KCNA2: variants seen among roughly 807,000 people sequenced by gnomAD.
The protein encoded by KCNA2 is potassium voltage-gated channel subfamily A member 2, also known as potassium channel, voltage gated shaker related subfamily A, member 2.
Under a neutral mutation model 33.4 loss-of-function variants are expected in KCNA2, and 11 were observed. The observed-to-expected ratio is 0.33, with a 90% CI of 0.21 to 0.55. KCNA2 has a LOEUF of 0.55. KCNA2 is among the 20% of genes least tolerant of loss of function. The pLI is 0.93. For synonymous variants in KCNA2, 222 were observed against 231.3 expected, an observed-to-expected ratio of 0.96 and a Z score of 0.37; for missense variants, 291 against 621.6, an observed-to-expected ratio of 0.47 and a Z score of 5.66.
intron 1 of KCNA2, among the ~76,000 whole-genome samples, chr1:110,627,741 C>T (rs1296725022): frequency 6.6e-6 from 1 of 151,746 alleles, no homozygotes; most frequent in Admixed American, 6.6e-5. Context: ...AATGTTAATA[C>T]AACCCTTGAG....
At chr1:110,622,790 C>T (rs1349632272) in intron 1 of KCNA2, among the ~76,000 whole-genome samples, 1 of 152,028 alleles carries the variant, frequency 6.6e-6, no homozygotes, top group Non-Finnish European at 1.5e-5. Flanking sequence ...TGTGAAAGAC[C>T]TATACACTGA....
rs1433798413 is a variant in KCNA2 at position 110,595,833 on chromosome 1, T to C, written c.*7450A>G. ...GGCAGAGATGTGCTTTAGTTCTTCATTGGAATGTTACTTTCAGATCTCACA... is the reference window on the plus strand; with the variant it reads ...GGCAGAGATGTGCTTTAGTTCTTCACTGGAATGTTACTTTCAGATCTCACA... On this transcript the variant is annotated 3_prime_UTR_variant, in exon 3 of 3. Transcript: ENST00000316361. The C allele has an allele frequency of 2.0e-6, 2 of 985,334 alleles. No homozygotes were observed. Among genetic ancestry groups the C allele is most frequent in the East Asian group, 1.1e-4 (1 of 8,836 alleles). 61.0% of individuals were successfully genotyped at this position (985,334 alleles called of 1,614,324 possible).
chr1:110,609,133 A>G (rs1649781630), upstream of KCNA2, among the ~76,000 whole-genome samples: 1 of 152,100 alleles, frequency 6.6e-6, no homozygotes, highest in African/African-American at 2.4e-5. Flanking sequence ...TCCCCTGACC[A>G]GCACCAAGGG....
At position 110,594,247 on chromosome 1, in the gene KCNA2, G is replaced by A. The variant is rs1261551124; in HGVS notation, c.*9036C>T. The A allele has an allele frequency of 1.9e-6, 2 of 1,039,896 alleles. No individual in the cohort carries two copies. The highest frequency in any genetic ancestry group is 2.3e-6 in the Non-Finnish European group (2 of 866,410). 64.4% of individuals were successfully genotyped at this position (1,039,896 alleles called of 1,614,324 possible). A position where few individuals can be genotyped will look rare whatever the true frequency, so the allele number is the denominator to read the frequency against. ...GCAAACCCTAACTGGAGTCTGTGCT[G>A]CATGAGCCTAAGTGAGTGGCGGCCA... On this transcript the variant is annotated 3_prime_UTR_variant, in exon 3 of 3. Transcript: ENST00000316361.
At chr1:110,625,661 A>C (rs188434434) in intron 1 of KCNA2, among the ~76,000 whole-genome samples, 2 of 152,352 alleles carry the variant, frequency 1.3e-5, no homozygotes, top group Admixed American at 1.3e-4. Context: ...TTCAAAGAAA[A>C]ATGATAAAGT....
rs937661657 is a variant in KCNA2, at chr1:110,596,052, C to T, written c.*7231G>A. The T allele has an allele frequency of 1.0e-6, 1 of 985,296 alleles. No homozygotes were observed. The highest frequency in any genetic ancestry group is 1.1e-4 in the East Asian group (1 of 8,834). 61.0% of individuals were successfully genotyped at this position (985,296 alleles called of 1,614,324 possible). The stretch of plus-strand genomic sequence containing the variant: ...CACCTGGCTGTTAGATCAGACTTCC[C>T]TTTTATCCCTGAGTCAGGCAGCCAC... On this transcript the variant is annotated 3_prime_UTR_variant, in exon 3 of 3. Coordinates refer to ENST00000316361, the MANE Select transcript of KCNA2 (RefSeq NM_004974.4).
chr1:110,596,978 G>A lies in KCNA2; in HGVS notation c.*6305C>T, dbSNP rs1364239482. On this transcript the variant is annotated 3_prime_UTR_variant, in exon 3 of 3. Transcript: ENST00000316361. ...CCCCTGGCTATGTGTGCAAATATTT[G>A]TGCAGCTGCACACTCTAGCGGGTGG... 1.0e-6 allele frequency: 1 copy of A among 985,288 alleles called. No homozygotes were observed. The highest frequency in any genetic ancestry group is 1.1e-4 in the East Asian group (1 of 8,822). The allele number at this position is 985,288 out of a possible 1,614,324, so 61.0% of individuals were successfully genotyped here.
At position 110,601,336 on chromosome 1, in the gene KCNA2, C is replaced by A. The variant is rs540774562; in HGVS notation, c.*1947G>T. 1.1e-4 allele frequency: 110 copies of A among 985,392 alleles called. 1 individual carries two copies. In the African/African-American group the frequency reaches 1.8e-3, roughly 16 times the overall value. The allele number at this position is 985,392 out of a possible 1,614,324, so 61.0% of individuals were successfully genotyped here. Reference sequence around the variant, plus strand: ...GAATTTGGTCCCAGGGAGTCCTACTCCTTGGTGTCCTTGGTTTCAAAGCAG... The same window carrying A: ...GAATTTGGTCCCAGGGAGTCCTACTACTTGGTGTCCTTGGTTTCAAAGCAG... On this transcript the variant is annotated 3_prime_UTR_variant, in exon 3 of 3. Transcript: ENST00000316361.
intron 1 of KCNA2, among the ~76,000 whole-genome samples, chr1:110,616,234 T>C (rs74120003): frequency 0.045 from 6,869 of 152,256 alleles, 527 homozygotes; most frequent in African/African-American, 0.15. Flanking sequence ...GGGGCATCTG[T>C]AGCCCCTGGC....
intron 1 of KCNA2, among the ~76,000 whole-genome samples, chr1:110,628,203 G>C (rs927958069): frequency 2.0e-5 from 3 of 152,134 alleles, no homozygotes; most frequent in Non-Finnish European, 4.4e-5. Flanking sequence ...TGCTGCAAAG[G>C]CCAGGAAGCA....
intron 1 of KCNA2, among the ~76,000 whole-genome samples, chr1:110,613,372 T>C: frequency 6.6e-6 from 1 of 152,250 alleles, no homozygotes; most frequent in Non-Finnish European, 1.5e-5. Context: ...ATGTCTCTTC[T>C]GCCCTTGCAT....
chr1:110,597,422 T>C lies in KCNA2; in HGVS notation c.*5861A>G. On this transcript the variant is annotated 3_prime_UTR_variant, in exon 3 of 3. Transcript: ENST00000316361. ...CTGAAAAGGTCACACAAACTTAGGA[T>C]TTTCATGCCTAGAGGTTGTAAGGAT... 1.0e-6 allele frequency: 1 copy of C among 985,362 alleles called. No individual in the cohort carries two copies. Among genetic ancestry groups the C allele is most frequent in the Non-Finnish European group, 1.2e-6 (1 of 829,926 alleles). The allele number at this position is 985,362 out of a possible 1,614,324, so 61.0% of individuals were successfully genotyped here.
At chr1:110,621,065 C>T (rs1650244880) in intron 1 of KCNA2, among the ~76,000 whole-genome samples, 1 of 152,200 alleles carries the variant, frequency 6.6e-6, no homozygotes, top group Non-Finnish European at 1.5e-5. Context: ...TCTAAAATAA[C>T]TGAAGCGCCT....
In KCNA2 at chr1:110,604,896, C is replaced by A; in HGVS notation, c.-114G>T. The A allele has an allele frequency of 1.0e-6, 1 of 984,752 alleles. No individual in the cohort carries two copies. The allele number at this position is 984,752 out of a possible 1,614,324, so 61.0% of individuals were successfully genotyped here. A position where few individuals can be genotyped will look rare whatever the true frequency, so the allele number is the denominator to read the frequency against. ...ACAGGAGCATTGGCCTGGTCTCCTG[C>A]AGGAGAGCCCCGAGAGCTCTCTGAG... On this transcript the variant is annotated 5_prime_UTR_variant, in exon 3 of 3. Coordinates refer to ENST00000316361, the MANE Select transcript of KCNA2 (RefSeq NM_004974.4). The surrounding 1 kb of genome is among the most constrained non-coding windows in gnomAD (Gnocchi z 7.6).
At chr1:110,612,568 G>A (rs566332906) in intron 1 of KCNA2, among the ~76,000 whole-genome samples, 1 of 152,252 alleles carries the variant, frequency 6.6e-6, no homozygotes, top group East Asian at 1.9e-4. Context: ...CCTGGTTCAA[G>A]CCACCAGCAG....
In KCNA2 at chr1:110,594,469, G is replaced by C. The variant is rs1649009667; in HGVS notation, c.*8814C>G. 2 of 985,262 alleles carry C rather than the reference G, an allele frequency of 2.0e-6. No individual in the cohort carries two copies. The highest frequency in any genetic ancestry group is 6.1e-5 in the Admixed American group (1 of 16,262). The allele number at this position is 985,262 out of a possible 1,614,324, so 61.0% of individuals were successfully genotyped here. On this transcript the variant is annotated 3_prime_UTR_variant, in exon 3 of 3. Transcript: ENST00000316361. ...ACAGCTATGTCCCTGATGAAAACTA[G>C]AGAATCTTCCTTGATTGCTGGCACC... is the stretch of plus-strand genomic sequence containing the variant.
chr1:110,602,732 T>C lies in KCNA2; in HGVS notation c.*551A>G. 3 of 992,588 alleles carry C rather than the reference T, an allele frequency of 3.0e-6. No homozygotes were observed. Among genetic ancestry groups the C allele is most frequent in the Non-Finnish European group, 3.6e-6 (3 of 834,672 alleles). 61.5% of individuals were successfully genotyped at this position (992,588 alleles called of 1,614,324 possible). ...TTATGAAACACAAGCCTCCAGAGCA[T>C]CTACTTGGCAACTGCAATTCACAAA... On this transcript the variant is annotated 3_prime_UTR_variant, in exon 3 of 3. Transcript: ENST00000316361.
At chr1:110,622,402 A>C (rs1430802098) in intron 1 of KCNA2, among the ~76,000 whole-genome samples, 2 of 152,154 alleles carry the variant, frequency 1.3e-5, no homozygotes, top group Non-Finnish European at 2.9e-5. Context: ...TTAATGATGA[A>C]AGACGGAATG....
intron 1 of KCNA2, among the ~76,000 whole-genome samples, chr1:110,618,207 C>T (rs1024725560): frequency 6.6e-6 from 1 of 152,142 alleles, no homozygotes; most frequent in African/African-American, 2.4e-5. Context: ...ATTATCTGGG[C>T]ATGATGGCAC....
Sources: allele counts gnomAD v4.1 joint callset (sites outside exome capture counted in the v4.1 genomes callset), GRCh38; gene constraint gnomAD v4.1.1; non-coding constraint Gnocchi (gnomAD v3.1); transcripts MANE v1.5; gene names NCBI Gene and HGNC (gene_info 2026-07-23, HGNC 2026-07-21).